Variants in FBLN1 observed in about 807,000 individuals in gnomAD.
FBLN1 encodes fibulin 1, also known as fibulin-1.
Under a neutral mutation model 89.7 loss-of-function variants are expected in FBLN1, and 34 were observed. The ratio of observed to expected loss-of-function variants is 0.38; its 90% CI spans 0.29 to 0.50. FBLN1 has a LOEUF of 0.50. FBLN1 is among the 20% of genes least tolerant of loss of function. FBLN1 has a pLI of 0.92. For synonymous variants in FBLN1, 393 were observed against 391.3 expected (o/e 1.00, Z -0.05); for missense variants, 777 against 988.1 (o/e 0.79, Z 2.86).
rs369112052 is a variant in FBLN1 at position 45,533,779 on chromosome 22, C to T, written c.665C>T (p.Thr222Met). The T allele has an allele frequency of 3.3e-5, 54 of 1,612,676 alleles. No individual in the cohort carries two copies. Among genetic ancestry groups the T allele is most frequent in the Admixed American group, 6.7e-5 (4 of 60,010 alleles). Residue 222 changes from threonine to methionine, a missense_variant, in exon 7 of 17, where the codon ACG (threonine) becomes ATG (methionine). Thr to Met is a moderately conservative substitution (Grantham distance 81). Coordinates refer to ENST00000327858, the MANE Select transcript of FBLN1 (RefSeq NM_006486.3). ...VSCEDVNECI[T>M]GSHSCRLGES... ...CTCCTAGATGTCAATGAATGCATCACGGGCAGCCACAGCTGCCGGCTTGGA... is the reference window on the plus strand; with the variant it reads ...CTCCTAGATGTCAATGAATGCATCATGGGCAGCCACAGCTGCCGGCTTGGA...
At chr22:45,570,484 T>C (rs956530751) in intron 14 of FBLN1, among the ~76,000 whole-genome samples, 1 of 151,220 alleles carries the variant, frequency 6.6e-6, no homozygotes, top group Non-Finnish European at 1.5e-5. Flanking sequence ...CAGATGTAAA[T>C]ACTAAACTAG....
At chr22:45,516,444 CT>C (rs1162325045) in intron 1 of FBLN1, among the ~76,000 whole-genome samples, 2 of 152,190 alleles carry the variant, frequency 1.3e-5, no homozygotes, top group Non-Finnish European at 2.9e-5. Context: ...TTAGTGAGTA[CT>C]TTTGCTTTTC....
At chr22:45,546,959 C>G (rs1569249747) in intron 11 of FBLN1, 126 bp from the exon 12 acceptor site, 1 of 1,481,120 alleles carries the variant, frequency 6.8e-7, no homozygotes, top group Non-Finnish European at 9.3e-7. Flanking sequence ...CCCGGGACCT[C>G]TGTCTCTCCG....
chr22:45,520,304 A>G (rs1394890038), intron 2 of FBLN1, among the ~76,000 whole-genome samples: 1 of 152,210 alleles, frequency 6.6e-6, no homozygotes, highest in African/African-American at 2.4e-5. Context: ...CCGGTTCCTC[A>G]TAGTTCCGGA....
chr22:45,539,234 C>G (rs1212497129), intron 8 of FBLN1, among the ~76,000 whole-genome samples: 3 of 137,818 alleles, frequency 2.2e-5, no homozygotes, highest in South Asian at 2.6e-4. Context: ...GACAGTCTCA[C>G]TGTCACCCAG....
At chr22:45,560,645 C>T (rs950805841) in intron 14 of FBLN1, among the ~76,000 whole-genome samples, 4 of 152,200 alleles carry the variant, frequency 2.6e-5, no homozygotes, top group Non-Finnish European at 4.4e-5. Flanking sequence ...TCAGCCTAAT[C>T]CAACGCTATG....
intron 1 of FBLN1, among the ~76,000 whole-genome samples, chr22:45,512,581 T>C (rs73445420): frequency 0.077 from 11,759 of 152,078 alleles, 528 homozygotes; most frequent in African/African-American, 0.099. Context: ...TCAGGACACC[T>C]GGTGTTTGGA....
rs992430404 is a variant in FBLN1, at chr22:45,580,738, A to G, written c.1972+3630A>G. Among the ~76,000 whole-genome samples, 2 of 152,180 alleles carry G rather than the reference A, an allele frequency of 1.3e-5. No individual in the cohort carries two copies. The highest frequency in any genetic ancestry group is 4.8e-5 in the African/African-American group (2 of 41,458). ...TGAGTTTGGATGTCCCAGAAAAACA[A>G]TCAGCGCACAGGCCCCGGGGCTCGC... On this transcript the variant is annotated intron_variant, in intron 16 of 16. Coordinates refer to ENST00000327858, the MANE Select transcript of FBLN1 (RefSeq NM_006486.3). The surrounding 1 kb of genome is among the most constrained non-coding windows in gnomAD (Gnocchi z 8.6).
Position 45,580,172 on chromosome 22 carries a change from C to T in FBLN1, c.1972+3064C>T, listed in dbSNP as rs1342202239. ...GTTTTCCGACTTGTTTTTAGCAGTG[C>T]AGTTCTGATTTCAAGCAGTGACTTA... On this transcript the variant is annotated intron_variant, in intron 16 of 16. Coordinates refer to ENST00000327858, the MANE Select transcript of FBLN1 (RefSeq NM_006486.3). This position sits in a 1 kb window ranked among gnomAD's most constrained non-coding sequence, Gnocchi z 8.6. Among the ~76,000 whole-genome samples, 1 of 152,010 alleles carries T rather than the reference C, an allele frequency of 6.6e-6. No individual in the cohort carries two copies. Among genetic ancestry groups the T allele is most frequent in the African/African-American group, 2.4e-5 (1 of 41,400 alleles).
chr22:45,593,841 T>TA (rs533995722), intron 16 of FBLN1, among the ~76,000 whole-genome samples: 112 of 152,320 alleles, frequency 7.4e-4, no homozygotes, highest in African/African-American at 2.5e-3. Context: ...GCCTTCATCT[T>TA]ACGACGTGTT....
Position 45,579,601 on chromosome 22 carries a change from C to T in FBLN1, c.1972+2493C>T, listed in dbSNP as rs1569264465. On this transcript the variant is annotated intron_variant, in intron 16 of 16. Coordinates refer to ENST00000327858, the MANE Select transcript of FBLN1 (RefSeq NM_006486.3). The surrounding 1 kb of genome is among the most constrained non-coding windows in gnomAD (Gnocchi z 5.5). The stretch of plus-strand genomic sequence containing the variant: ...GGGGAGGCCCCTGCCTCTTCCACGC[C>T]TCGGTCTGTGTGCAGGATGCCCCAC... Among the ~76,000 whole-genome samples, 1 of 152,218 alleles carries T rather than the reference C, an allele frequency of 6.6e-6. No homozygotes were observed. The highest frequency in any genetic ancestry group is 1.5e-5 in the Non-Finnish European group (1 of 68,034).
rs1219921849 is a variant in FBLN1, at chr22:45,562,195, TG to T, written c.1697+11581del. 2.6e-5 allele frequency among the ~76,000 whole-genome samples: 4 copies of T among 152,198 alleles called. No individual in the cohort carries two copies. Among genetic ancestry groups the T allele is most frequent in the African/African-American group, 9.7e-5 (4 of 41,442 alleles). Reference sequence around the variant, plus strand: ...CACCCAGGAAGTTAGGACCTGTCTCTGTTTCTATCACAGGAAGTTGGGATCT... The same window carrying T: ...CACCCAGGAAGTTAGGACCTGTCTCTTTTCTATCACAGGAAGTTGGGATCT... On this transcript the variant is annotated intron_variant, in intron 14 of 16. Transcript: ENST00000327858. The surrounding 1 kb of genome is among the most constrained non-coding windows in gnomAD (Gnocchi z 7.8).
chr22:45,546,011 G>C (rs745654198), intron 11 of FBLN1, among the ~76,000 whole-genome samples: 103 of 152,162 alleles, frequency 6.8e-4, no homozygotes, highest in Admixed American at 2.6e-3. Flanking sequence ...AGCCGGGCAT[G>C]GTGGTGCACA....
chr22:45,521,299 A>G (rs771499821), intron 2 of FBLN1, among the ~76,000 whole-genome samples: 2 of 152,204 alleles, frequency 1.3e-5, no homozygotes, highest in Non-Finnish European at 2.9e-5. Context: ...GTGAGTTTCC[A>G]TATGACAGTG....
chr22:45,553,381 G>A (rs1388820643), intron 14 of FBLN1, among the ~76,000 whole-genome samples: 3 of 152,272 alleles, frequency 2.0e-5, no homozygotes, highest in East Asian at 1.9e-4. Flanking sequence ...CAGGGCCTGC[G>A]TGGCAGGGGG....
chr22:45,569,570 C>T lies in FBLN1; in HGVS notation c.1698-4941C>T, dbSNP rs995625462. ...AGGAGAATCGCTTGAACCCAGGAGG[C>T]GGAGGTTGCAGTGAGCCGAGATCAT... is the stretch of plus-strand genomic sequence containing the variant. On this transcript the variant is annotated intron_variant, in intron 14 of 16. Coordinates refer to ENST00000327858, the MANE Select transcript of FBLN1 (RefSeq NM_006486.3). Among the ~76,000 whole-genome samples, 9 of 151,944 alleles carry T rather than the reference C, an allele frequency of 5.9e-5. No individual in the cohort carries two copies. In the East Asian group the frequency reaches 7.7e-4, roughly 13 times the overall value.
At chr22:45,535,898 C>T (rs1166243410) in intron 8 of FBLN1, among the ~76,000 whole-genome samples, 1 of 152,210 alleles carries the variant, frequency 6.6e-6, no homozygotes, top group East Asian at 1.9e-4. Context: ...TTAAAAAATA[C>T]TTGGCTGGGC....
Position 45,533,714 on chromosome 22 carries a change from TG to T in FBLN1, c.647-44del, listed in dbSNP as rs3216851. On this transcript the variant is annotated intron_variant, in intron 6 of 16. Transcript: ENST00000327858. ...CATTCCTTTCTAGGATGTATTAGGATGGGTCGTTCTTGCTGGTCACCCCCGC... is the reference window on the plus strand; with the variant it reads ...CATTCCTTTCTAGGATGTATTAGGATGGTCGTTCTTGCTGGTCACCCCCGC... The T allele has an allele frequency of 0.19, 298,550 of 1,600,634 alleles. 30,257 individuals are homozygous for T. Among genetic ancestry groups the T allele is most frequent in the East Asian group, 0.43 (19,161 of 44,804 alleles).
chr22:45,587,600 G>A (rs1159807223), intron 16 of FBLN1, among the ~76,000 whole-genome samples: 2 of 151,954 alleles, frequency 1.3e-5, no homozygotes, highest in Admixed American at 1.3e-4. Flanking sequence ...CAGCGCTCAG[G>A]GATGCGTGGG....
Sources: gnomAD v4.1 joint callset for allele counts (sites outside exome capture counted in the v4.1 genomes callset) on GRCh38, gnomAD v4.1.1 for gene constraint, Gnocchi (gnomAD v3.1) non-coding constraint, MANE v1.5 for transcripts, NCBI Gene and HGNC (gene_info 2026-07-23, HGNC 2026-07-21) for gene names.